The following FEZ2 variants were observed in gnomAD, a reference collection of about 807,000 sequenced individuals.
FEZ2 encodes fasciculation and elongation protein zeta 2.
FEZ2 carries 51 observed loss-of-function variants against 40.4 expected under a neutral mutation model. The observed-to-expected ratio is 1.26, with a 90% CI of 1.01 to 1.59. The LOEUF is 1.59. Ranked by LOEUF, FEZ2 falls within the 40% of genes most tolerant of loss-of-function variation. FEZ2 has a pLI of 0.00. For missense variants in FEZ2, 640 were observed against 438.3 expected (o/e 1.46, Z -4.11); for synonymous variants, 242 against 172.0 (o/e 1.41, Z -3.18).
intron 5 of FEZ2, among the ~76,000 whole-genome samples, chr2:36,577,789 A>C (rs768443048): frequency 6.6e-6 from 1 of 152,222 alleles, no homozygotes; most frequent in Non-Finnish European, 1.5e-5. Flanking sequence ...TTTATCAAAA[A>C]CAGAACTCAT....
At position 36,581,317 on chromosome 2, in the gene FEZ2, T is replaced by G. The variant is rs1317685699; in HGVS notation, c.607A>C (p.Arg203=). The G allele has an allele frequency of 2.0e-5, 32 of 1,613,770 alleles. No homozygotes were observed. The highest frequency in any genetic ancestry group is 2.5e-5 in the Non-Finnish European group (29 of 1,179,800). Residue 203 remains arginine, a synonymous_variant, in exon 4 of 8, where the codon AGG becomes CGG. Coordinates refer to ENST00000405912, the MANE Select transcript of FEZ2 (RefSeq NM_005102.3). Reference sequence around the variant, plus strand: ...TCTTCATAACTGCCGGTACTAGACCTCTTGAGAGTTTGAATTTCCTGGGAA... The same window carrying G: ...TCTTCATAACTGCCGGTACTAGACCGCTTGAGAGTTTGAATTTCCTGGGAA... ...MLSQEIQTLK[R]SSTGSYEERV...
chr2:36,585,652 A>T (rs1033910970), intron 2 of FEZ2, among the ~76,000 whole-genome samples: 2 of 152,244 alleles, frequency 1.3e-5, no homozygotes, highest in Non-Finnish European at 2.9e-5. Flanking sequence ...CCTAAGAAAA[A>T]ACCTAAGTAG....
At chr2:36,577,655 T>C (rs1668613801) in intron 5 of FEZ2, among the ~76,000 whole-genome samples, 1 of 152,232 alleles carries the variant, frequency 6.6e-6, no homozygotes, top group Non-Finnish European at 1.5e-5. Flanking sequence ...ATGGTAAGAC[T>C]CTTTTTGTGT....
In FEZ2 at chr2:36,552,898, A is replaced by AT. The variant is rs1435323131; in HGVS notation, c.*264dup. 2.3e-6 allele frequency: 1 copy of AT among 435,684 alleles called. No individual in the cohort carries two copies. The highest frequency in any genetic ancestry group is 4.1e-6 in the Non-Finnish European group (1 of 245,482). The allele number at this position is 435,684 out of a possible 1,614,324, so 27.0% of individuals were successfully genotyped here. On this transcript the variant is annotated 3_prime_UTR_variant, in exon 8 of 8. Transcript: ENST00000405912. ...TGAGAAATACAACTGCACATGCACA[A>AT]TTAATATTACTCTCTCTTAATCTAC...
chr2:36,592,531 C>G (rs540914890), intron 1 of FEZ2, among the ~76,000 whole-genome samples: 2 of 151,986 alleles, frequency 1.3e-5, no homozygotes, highest in Non-Finnish European at 2.9e-5. Flanking sequence ...TAGGGATGGG[C>G]CTGGTGGCTC....
At chr2:36,592,577 G>A (rs898008132) in intron 1 of FEZ2, among the ~76,000 whole-genome samples, 3 of 151,542 alleles carry the variant, frequency 2.0e-5, no homozygotes, top group Non-Finnish European at 4.4e-5. Flanking sequence ...AAGCCAAAGT[G>A]GGAGGATTGC....
chr2:36,563,559 G>A (rs1010294439), intron 5 of FEZ2, among the ~76,000 whole-genome samples: 7 of 150,308 alleles, frequency 4.7e-5, no homozygotes, highest in East Asian at 3.9e-4. Context: ...GTCTGAGAAC[G>A]TGCTCCTATC....
chr2:36,572,302 G>T (rs1250344140), intron 5 of FEZ2, among the ~76,000 whole-genome samples: 1 of 152,100 alleles, frequency 6.6e-6, no homozygotes, highest in Non-Finnish European at 1.5e-5. Flanking sequence ...TATCACTCAG[G>T]CTGCTGCTGA....
At chr2:36,580,587 T>C (rs1444993348) in intron 4 of FEZ2, among the ~76,000 whole-genome samples, 1 of 152,200 alleles carries the variant, frequency 6.6e-6, no homozygotes, top group Admixed American at 6.5e-5. Context: ...GTCAAACAGA[T>C]CCATGGTTCC....
At chr2:36,563,383 C>G (rs886532176) in intron 5 of FEZ2, among the ~76,000 whole-genome samples, 1 of 152,200 alleles carries the variant, frequency 6.6e-6, no homozygotes, top group Non-Finnish European at 1.5e-5. Context: ...GTGGCTGCAG[C>G]TGACAAGACC....
chr2:36,586,846 T>C (rs188754074), intron 2 of FEZ2, among the ~76,000 whole-genome samples: 1 of 152,268 alleles, frequency 6.6e-6, no homozygotes, highest in African/African-American at 2.4e-5. Context: ...CTCAGGAAGC[T>C]GGAGCGGGAA....
At chr2:36,563,941 G>C (rs1000811983) in intron 5 of FEZ2, among the ~76,000 whole-genome samples, 2 of 152,168 alleles carry the variant, frequency 1.3e-5, no homozygotes, top group Non-Finnish European at 2.9e-5. Flanking sequence ...TTAAATGCCA[G>C]TGTTCCCTAG....
chr2:36,585,454 A>C (rs564393693), intron 2 of FEZ2, among the ~76,000 whole-genome samples: 29 of 152,316 alleles, frequency 1.9e-4, no homozygotes, highest in African/African-American at 7.0e-4. Context: ...CTAGAGAGTA[A>C]CATTCAGATT....
chr2:36,584,492 C>G (rs1048394174), intron 2 of FEZ2, among the ~76,000 whole-genome samples: 3 of 152,136 alleles, frequency 2.0e-5, no homozygotes, highest in Non-Finnish European at 4.4e-5. Context: ...TTAAAATGAA[C>G]AAGGGAACAT....
At chr2:36,586,986 T>C (rs1393149724) in intron 2 of FEZ2, among the ~76,000 whole-genome samples, 1 of 152,234 alleles carries the variant, frequency 6.6e-6, no homozygotes. Flanking sequence ...GAAGACATTA[T>C]CTTTTTCTTA....
chr2:36,563,404 C>T (rs896233589), intron 5 of FEZ2, among the ~76,000 whole-genome samples: 1 of 152,030 alleles, frequency 6.6e-6, no homozygotes, highest in Non-Finnish European at 1.5e-5. Flanking sequence ...CTACTGTCCC[C>T]AGCTCTTTCA....
At chr2:36,564,203 G>T (rs1668169712) in intron 5 of FEZ2, among the ~76,000 whole-genome samples, 1 of 152,062 alleles carries the variant, frequency 6.6e-6, no homozygotes, top group African/African-American at 2.4e-5. Flanking sequence ...ATGTTTAATG[G>T]CCAATTGGAC....
At chr2:36,578,889 C>A in intron 4 of FEZ2, 24 bp from the exon 5 acceptor site, 1 of 1,587,846 alleles carries the variant, frequency 6.3e-7, no homozygotes, top group Non-Finnish European at 8.6e-7. Flanking sequence ...CAAAATACAG[C>A]AGATATTAAG....
At chr2:36,587,403 C>G (rs986136028) in intron 2 of FEZ2, among the ~76,000 whole-genome samples, 1 of 152,168 alleles carries the variant, frequency 6.6e-6, no homozygotes, top group African/African-American at 2.4e-5. Flanking sequence ...TCCCATCACT[C>G]CTTCCAATGC....
Sources: allele counts gnomAD v4.1 joint callset (sites outside exome capture counted in the v4.1 genomes callset), GRCh38; gene constraint gnomAD v4.1.1; transcripts MANE v1.5; gene names NCBI Gene and HGNC (gene_info 2026-07-23, HGNC 2026-07-21).